Variants in TUBGCP2 observed in about 807,000 individuals in gnomAD.
TUBGCP2 encodes tubulin gamma complex component 2.
Under a neutral mutation model 92.2 loss-of-function variants are expected in TUBGCP2, and 55 were observed. That is an observed-to-expected ratio of 0.60 (90% CI 0.48 to 0.75). TUBGCP2 has a LOEUF of 0.75. TUBGCP2 is among the 30% of genes least tolerant of loss of function. The pLI, the probability that TUBGCP2 is intolerant of heterozygous loss-of-function variation, is 0.00. For missense variants in TUBGCP2, 1,093 were observed against 1,188.9 expected (o/e 0.92, Z 1.19); for synonymous variants, 533 against 505.2 (o/e 1.06, Z -0.74).
rs377084701 is a variant in TUBGCP2, at chr10:133,282,642, C to G, written c.2290-300G>C. On this transcript the variant is annotated intron_variant, in intron 15 of 17. Transcript: ENST00000252936. ...CTCCCCACTCGCCCTCCTCCGGACCCTCCCCATGGCACTGCCTGGAGAGCC... is the reference window on the plus strand; with the variant it reads ...CTCCCCACTCGCCCTCCTCCGGACCGTCCCCATGGCACTGCCTGGAGAGCC... Among the ~76,000 whole-genome samples the G allele has an allele frequency of 2.6e-4, 39 of 152,348 alleles. 1 individual carries two copies. In the South Asian group the frequency reaches 8.1e-3, roughly 32 times the overall value.
intron 7 of TUBGCP2, 44 bp downstream of exon 7, chr10:133,292,995 C>T (rs1421135981): frequency 1.3e-6 from 2 of 1,597,936 alleles, no homozygotes; most frequent in African/African-American, 1.3e-5. Context: ...ATGTTCAACA[C>T]CTGCCACCCA....
chr10:133,310,347 C>G (rs1847962995), upstream of TUBGCP2: 2 of 1,605,874 alleles, frequency 1.2e-6, no homozygotes, highest in African/African-American at 2.7e-5. Flanking sequence ...AGGTTTCCAA[C>G]TAGCCGGAAT....
chr10:133,310,469 C>T, upstream of TUBGCP2: 1 of 762,970 alleles, frequency 1.3e-6, no homozygotes, highest in Non-Finnish European at 2.1e-6. Context: ...AGCGGCCACC[C>T]TGCCGAAGGG....
chr10:133,289,372 C>G (rs1358962433), intron 9 of TUBGCP2, among the ~76,000 whole-genome samples: 2 of 152,234 alleles, frequency 1.3e-5, no homozygotes, highest in African/African-American at 2.4e-5. Context: ...GCTTCCCAAC[C>G]CTTTCGTGAC....
intron 4 of TUBGCP2, among the ~76,000 whole-genome samples, chr10:133,299,137 CAG>C (rs981757927): frequency 2.0e-5 from 3 of 152,134 alleles, no homozygotes; most frequent in African/African-American, 7.2e-5. Context: ...TGGGTAGGCT[CAG>C]AGTCACGTGG....
chr10:133,283,182 A>C lies in TUBGCP2; in HGVS notation c.2185T>G (p.Phe729Val), dbSNP rs1847033549. Residue 729 changes from phenylalanine (F) to valine (V), a missense_variant, in exon 15 of 18, where the codon TTC becomes GTC. Physicochemically the swap from Phe to Val is conservative, Grantham distance 50. Coordinates refer to ENST00000252936, the MANE Select transcript of TUBGCP2 (RefSeq NM_006659.4). Reference protein sequence around the residue: ...IDDVLGHHTGFLDTCLKDCML... With the variant: ...IDDVLGHHTGVLDTCLKDCML... ...CAGTCCTTCAGGCAGGTGTCCAGGA[A>C]GCCTGTGTGGTGGCCAAGGACGTCG... 4 of 1,614,224 alleles carry C rather than the reference A, an allele frequency of 2.5e-6. No individual in the cohort carries two copies. Among genetic ancestry groups the C allele is most frequent in the Non-Finnish European group, 3.4e-6 (4 of 1,180,036 alleles).
At chr10:133,283,052 C>A (rs776099606) in intron 15 of TUBGCP2, 26 bp downstream of exon 15, 1 of 1,612,824 alleles carries the variant, frequency 6.2e-7, no homozygotes, top group Admixed American at 1.7e-5. Flanking sequence ...CCTGCCCACC[C>A]GATGGTGCTA....
At position 133,293,683 on chromosome 10, in the gene TUBGCP2, C is replaced by T; in HGVS notation, c.703G>A (p.Ala235Thr). 6.2e-7 allele frequency: 1 copy of T among 1,602,954 alleles called. No individual in the cohort carries two copies. ...LVGVDGRYVS[A>T]QPLAGRQSRT... is the part of the protein sequence containing the mutation. The stretch of plus-strand genomic sequence containing the variant: ...CTCTGCCTCCCAGCCAGGGGCTGAG[C>T]ACTGACGTACCTCCCGTCCACGCCC... The change falls in exon 6 of 18, where the codon GCT becomes ACT. Residue 235 changes from alanine to threonine, a missense_variant. Transcript: ENST00000252936.
At chr10:133,300,698 A>C (rs1348260274) in intron 2 of TUBGCP2, among the ~76,000 whole-genome samples, 1 of 151,510 alleles carries the variant, frequency 6.6e-6, no homozygotes, top group Non-Finnish European at 1.5e-5. Context: ...ACTGCTCTCA[A>C]ACTCCCAGGC....
At position 133,302,962 on chromosome 10, in the gene TUBGCP2, A is replaced by G. The variant is rs1244609173; in HGVS notation, c.-21T>C. ...CTCATAGTTTTAGCTCTGAGGCACG[A>G]ACATCACAATATGTTCTCCTATAGG... On this transcript the variant is annotated 5_prime_UTR_variant, in exon 2 of 18. Coordinates refer to ENST00000252936, the MANE Select transcript of TUBGCP2 (RefSeq NM_006659.4). 6.2e-7 allele frequency: 1 copy of G among 1,613,924 alleles called. No individual in the cohort carries two copies. The highest frequency in any genetic ancestry group is 8.5e-7 in the Non-Finnish European group (1 of 1,179,900).
upstream of TUBGCP2, chr10:133,311,811 C>T (rs561067562): frequency 1.6e-5 from 26 of 1,613,322 alleles, no homozygotes; most frequent in African/African-American, 1.9e-4. Context: ...TCCCCTGCAC[C>T]GGCAGGTGAG....
rs372792766 is a variant in TUBGCP2, at chr10:133,283,227, G to T, written c.2146-6C>A. On this transcript the variant is annotated splice_region_variant and splice_polypyrimidine_tract_variant and intron_variant, in intron 14 of 17. Coordinates refer to ENST00000252936, the MANE Select transcript of TUBGCP2 (RefSeq NM_006659.4). ...ACGTCGTCAATGTTGGAGGCCTGCG[G>T]GGAACAGGCCAAGCCCCTTCTCAGA... 6.2e-6 allele frequency: 10 copies of T among 1,614,170 alleles called. No individual in the cohort carries two copies. The African/African-American group carries it at 1.2e-4, about 19-fold the overall frequency.
chr10:133,301,793 C>T (rs530375271), intron 2 of TUBGCP2: 2 of 136,260 alleles, frequency 1.5e-5, no homozygotes, highest in Admixed American at 8.3e-5. Flanking sequence ...CGGCTCACTG[C>T]AAGCTCCACC....
rs574387643 is a variant in TUBGCP2 at position 133,296,322 on chromosome 10, G to A, written c.616+1630C>T. Among the ~76,000 whole-genome samples, 145 of 152,230 alleles carry A rather than the reference G, an allele frequency of 9.5e-4. 1 individual carries two copies. Among genetic ancestry groups the A allele is most frequent in the Admixed American group, 2.1e-3 (32 of 15,288 alleles). On this transcript the variant is annotated intron_variant, in intron 5 of 17. Transcript: ENST00000252936. ...AGCAGGGCCCCGCGCTTCCTTCTCC[G>A]AAGTCTGCCTGGGTACCATCAGGAG...
upstream of TUBGCP2, chr10:133,309,350 C>T: frequency 1.3e-6 from 2 of 1,594,746 alleles, no homozygotes; most frequent in Non-Finnish European, 8.5e-7. Flanking sequence ...GGGCGTGCCG[C>T]GAGTCACCTG....
upstream of TUBGCP2, chr10:133,310,045 G>A: frequency 6.2e-7 from 1 of 1,609,090 alleles, no homozygotes; most frequent in Non-Finnish European, 8.5e-7. Flanking sequence ...GCTGCCCCCA[G>A]CTCTCGGGTG....
intron 5 of TUBGCP2, among the ~76,000 whole-genome samples, chr10:133,296,638 C>T (rs866989224): frequency 6.6e-6 from 1 of 152,108 alleles, no homozygotes; most frequent in African/African-American, 2.4e-5. Context: ...CTACCACACT[C>T]GGCTAATTTT....
intron 2 of TUBGCP2, chr10:133,301,699 C>CTTTT (rs1847658711): frequency 7.3e-6 from 1 of 137,666 alleles, no homozygotes; most frequent in African/African-American, 2.9e-5. Flanking sequence ...CCAGTCCCTC[C>CTTTT]CTTTTTTTTT....
chr10:133,309,923 C>T (rs773666430), upstream of TUBGCP2: 3 of 1,613,622 alleles, frequency 1.9e-6, no homozygotes, highest in Admixed American at 1.7e-5. Context: ...TGGACGCCCA[C>T]ATCCTGGAGT....
Sources: gnomAD v4.1 joint callset for allele counts (sites outside exome capture counted in the v4.1 genomes callset) on GRCh38, gnomAD v4.1.1 for gene constraint, MANE v1.5 for transcripts, NCBI Gene and HGNC (gene_info 2026-07-23, HGNC 2026-07-21) for gene names.